IQSEC2: variants seen among roughly 807,000 people sequenced by gnomAD.
The protein encoded by IQSEC2 is IQ motif and Sec7 domain ArfGEF 2, also known as IQ motif and SEC7 domain-containing protein 2.
A neutral mutation model predicts 74.6 loss-of-function variants in IQSEC2; 6 were observed. That is an observed-to-expected ratio of 0.08 (90% CI 0.04 to 0.16). The LOEUF is 0.16. Among genes scored for constraint, IQSEC2 ranks in the 10% least tolerant of loss-of-function variants. The pLI is 1.00. For missense variants in IQSEC2, 734 were observed against 1,306.2 expected, an observed-to-expected ratio of 0.56 and a Z score of 6.75; for synonymous variants, 494 against 544.5, an observed-to-expected ratio of 0.91 and a Z score of 1.29.
chrX:53,245,446 AAAC>A (rs1556861874), intron 8 of IQSEC2, among the ~76,000 whole-genome samples: 1 of 108,476 alleles, frequency 9.2e-6, no homozygotes, highest in Non-Finnish European at 1.9e-5. Context: ...AAAAAAAAAA[AAAC>A]AAATAAAATA....
At chrX:53,230,840 C>T (rs1328526537), downstream of IQSEC2, 1 of 111,835 alleles carries the variant, frequency 8.9e-6, no homozygotes, top group Non-Finnish European at 1.9e-5. Context: ...AGGAGATGAA[C>T]TACCCCCTCC....
At chrX:53,290,159 G>A (rs2075082656) in intron 2 of IQSEC2, among the ~76,000 whole-genome samples, 1 of 111,076 alleles carries the variant, frequency 9.0e-6, no homozygotes, top group African/African-American at 3.3e-5. Flanking sequence ...TTAGCTGCCT[G>A]GCTGCAGGCA....
In IQSEC2 at chrX:53,235,131, T is replaced by TGGGGG; in HGVS notation, c.3550_3554dup (p.Pro1187HisfsTer212). On this transcript the variant is annotated frameshift_variant, in exon 15 of 15. Coordinates refer to ENST00000642864, the MANE Select transcript of IQSEC2 (RefSeq NM_001111125.3). LOFTEE classifies it high-confidence loss of function. ...TCTTGTACTCCTCTGGCGGCGGGGG[T>TGGGGG]GGGGGCGGAGGTGGCATCCTCTGGT... The TGGGGG allele has an allele frequency of 3.9e-6, 1 of 257,271 alleles. No homozygotes were observed. Among genetic ancestry groups the TGGGGG allele is most frequent in the Non-Finnish European group, 5.7e-6 (1 of 174,726 alleles). 21.2% of individuals were successfully genotyped at this position (257,271 alleles called of 1,213,427 possible).
At chrX:53,315,262 G>A (rs1218357579) in intron 1 of IQSEC2, among the ~76,000 whole-genome samples, 8 of 111,751 alleles carry the variant, frequency 7.2e-5, no homozygotes, top group Non-Finnish European at 1.3e-4. Context: ...GTGGTGGCAC[G>A]TGTTTGTAAT....
At chrX:53,288,042 G>A (rs2075050995) in intron 2 of IQSEC2, among the ~76,000 whole-genome samples, 1 of 111,523 alleles carries the variant, frequency 9.0e-6, no homozygotes, top group Non-Finnish European at 1.9e-5. Flanking sequence ...CTGTGAAGCA[G>A]TAAGTGGCAA....
At chrX:53,276,543 CT>C (rs2074836836) in intron 2 of IQSEC2, among the ~76,000 whole-genome samples, 1 of 112,506 alleles carries the variant, frequency 8.9e-6, no homozygotes, top group Admixed American at 9.4e-5. Flanking sequence ...CCATGTATTT[CT>C]TTTGTTAATC....
intron 13 of IQSEC2, 46 bp from the exon 14 acceptor site, chrX:53,235,878 C>T (rs188161608): frequency 1.8e-6 from 2 of 1,124,677 alleles, no homozygotes; most frequent in Non-Finnish European, 2.4e-6. Flanking sequence ...GCAACCCCCC[C>T]CCTACCCTGC....
chrX:53,290,455 G>A (rs1602348490), intron 2 of IQSEC2, among the ~76,000 whole-genome samples: 1 of 111,949 alleles, frequency 8.9e-6, no homozygotes, highest in Non-Finnish European at 1.9e-5. Flanking sequence ...ACATCACCGG[G>A]GATGCTTGCA....
intron 8 of IQSEC2, among the ~76,000 whole-genome samples, chrX:53,244,951 A>C (rs1398529830): frequency 9.0e-6 from 1 of 110,859 alleles, no homozygotes; most frequent in African/African-American, 3.3e-5. Context: ...ATACACACAC[A>C]CACACCCACA....
At chrX:53,266,782 C>T in intron 2 of IQSEC2, 1 of 1,041,543 alleles carries the variant, frequency 9.6e-7, no homozygotes, top group South Asian at 2.5e-5. Context: ...CCAGAGGAGA[C>T]AGCAGTGGGG....
intron 2 of IQSEC2, among the ~76,000 whole-genome samples, chrX:53,276,961 G>C (rs1556869672): frequency 9.0e-6 from 1 of 111,656 alleles, no homozygotes; most frequent in Non-Finnish European, 1.9e-5. Context: ...TACACTGATG[G>C]ATTCCATTTG....
intron 1 of IQSEC2, among the ~76,000 whole-genome samples, chrX:53,304,970 G>A (rs181221169): frequency 5.5e-4 from 61 of 110,995 alleles, no homozygotes; most frequent in Admixed American, 9.6e-4. Context: ...CCAGGCTGGA[G>A]TACAGTGGTG....
rs1188327285 is a variant in IQSEC2, at chrX:53,250,873, C to T, written c.1703G>A (p.Arg568His). The change falls in exon 5 of 15, where the codon CGT becomes CAT. Residue 568 changes from arginine (R) to histidine (H), a missense_variant. By Grantham distance (29) the Arg-to-His change is conservative. Transcript: ENST00000642864. ...VPSGTREDGS[R>H]EEGTRRGPGC... is the part of the protein sequence containing the mutation. ...GGGACCCCTGCGAGTGCCTTCCTCA[C>T]GGCTACCGTCTTCCCGGGTTCCTGA... 7.4e-6 allele frequency: 9 copies of T among 1,208,149 alleles called. No homozygotes were observed. The Admixed American group carries it at 1.1e-4, about 15-fold the overall frequency.
At chrX:53,277,824 C>A (rs2074860577) in intron 2 of IQSEC2, among the ~76,000 whole-genome samples, 2 of 108,353 alleles carry the variant, frequency 1.8e-5, no homozygotes, top group African/African-American at 6.8e-5. Flanking sequence ...GCACACACCA[C>A]CACGCCCGGC....
At chrX:53,295,465 A>G (rs111673391) in intron 1 of IQSEC2, among the ~76,000 whole-genome samples, 24,440 of 107,588 alleles carry the variant, frequency 0.23, 3,896 homozygotes, top group African/African-American at 0.57. Flanking sequence ...TTAGCCGGGC[A>G]TGGTGGTGGG....
chrX:53,298,317 C>G (rs1329665322), intron 1 of IQSEC2, among the ~76,000 whole-genome samples: 1 of 109,573 alleles, frequency 9.1e-6, no homozygotes, highest in Non-Finnish European at 1.9e-5. Context: ...AGGCATAGGA[C>G]TTAAAACCTT....
At chrX:53,270,800 CTG>C (rs782029241) in intron 2 of IQSEC2, among the ~76,000 whole-genome samples, 5 of 110,760 alleles carry the variant, frequency 4.5e-5, no homozygotes, top group African/African-American at 1.6e-4. Context: ...ACTCCAGCCT[CTG>C]TCATCTCCAC....
chrX:53,303,787 C>T (rs1445743436), intron 1 of IQSEC2, among the ~76,000 whole-genome samples: 2 of 104,731 alleles, frequency 1.9e-5, no homozygotes, highest in African/African-American at 3.5e-5. Flanking sequence ...GGTGAAAGAG[C>T]GAAACTCCAT....
intron 5 of IQSEC2, among the ~76,000 whole-genome samples, chrX:53,249,686 A>G (rs1430055173): frequency 1.8e-5 from 2 of 112,142 alleles, no homozygotes; most frequent in Non-Finnish European, 3.8e-5. Flanking sequence ...ATTACATCTA[A>G]TATTTTCCAA....
Sources: gnomAD v4.1 joint callset for allele counts (sites outside exome capture counted in the v4.1 genomes callset) on GRCh38, gnomAD v4.1.1 for gene constraint, MANE v1.5 for transcripts, NCBI Gene and HGNC (gene_info 2026-07-23, HGNC 2026-07-21) for gene names.